Variants in RPL12 observed in about 807,000 individuals in gnomAD.
RPL12 encodes the protein large ribosomal subunit protein uL11.
In RPL12, 10 loss-of-function variants were observed where a neutral mutation model predicts 24.5. The observed-to-expected ratio is 0.41, with a 90% CI of 0.25 to 0.69. RPL12 has a LOEUF of 0.69. RPL12 is among the 30% of genes least tolerant of loss of function. RPL12 has a pLI of 0.33. For synonymous variants in RPL12, 74 were observed against 76.1 expected (o/e 0.97, Z 0.14); for missense variants, 137 against 205.3 (o/e 0.67, Z 2.03).
At chr9:127,451,214 CT>C (rs1834302681) in intron 1 of RPL12, 66 bp downstream of exon 1, 1 of 1,592,090 alleles carries the variant, frequency 6.3e-7, no homozygotes, top group East Asian at 2.2e-5. Flanking sequence ...ACGGGGAAAG[CT>C]TTGCACGCGC....
rs1834312679 is a variant in RPL12, at chr9:127,451,401, G to A, written c.-84C>T. 5.7e-6 allele frequency: 9 copies of A among 1,565,716 alleles called. No homozygotes were observed. The highest frequency in any genetic ancestry group is 1.7e-5 in the Admixed American group (1 of 57,330). On this transcript the variant is annotated 5_prime_UTR_variant, in exon 1 of 7. Transcript: ENST00000361436. ...CTTGGCCTCCTCCGAGCCGAAAGCC[G>A]AGAGGCCGGAAATCGCGCGGACAAG...
At chr9:127,449,576 C>G in intron 3 of RPL12, 34 bp downstream of exon 3, 1 of 1,578,154 alleles carries the variant, frequency 6.3e-7, no homozygotes, top group Non-Finnish European at 8.7e-7. Flanking sequence ...TGTCCCCCCA[C>G]CCTCCTCTCC....
At chr9:127,451,235 G>A (rs767838251) in intron 1 of RPL12, 46 bp downstream of exon 1, 1 of 1,605,156 alleles carries the variant, frequency 6.2e-7, no homozygotes, top group East Asian at 2.2e-5. Flanking sequence ...CGGCAGGGCC[G>A]AGGGATGCTC....
chr9:127,447,675 C>G lies in RPL12; in HGVS notation c.*46G>C, dbSNP rs373688448. The G allele has an allele frequency of 3.7e-6, 6 of 1,612,400 alleles. No homozygotes were observed. The African/African-American group carries it at 6.7e-5, about 18-fold the overall frequency. ...CAAGGAAGACGCCACACCAGAAAAT[C>G]CACCAGTTGTCAAATGATCCTTTAT... On this transcript the variant is annotated 3_prime_UTR_variant, in exon 7 of 7. Coordinates refer to ENST00000361436, the MANE Select transcript of RPL12 (RefSeq NM_000976.4).
chr9:127,450,847 G>A (rs1322744190), intron 1 of RPL12, 43 bp from the exon 2 acceptor site: 13 of 1,393,560 alleles, frequency 9.3e-6, no homozygotes, highest in Non-Finnish European at 1.3e-5. Flanking sequence ...AGGGAGCCCC[G>A]AGCCACAGCC....
intron 2 of RPL12, 120 bp downstream of exon 2, chr9:127,450,611 G>T: frequency 1.4e-6 from 1 of 691,478 alleles, no homozygotes; most frequent in Non-Finnish European, 2.4e-6. Flanking sequence ...CAGTGGCTCA[G>T]GCCTACTGAG....
chr9:127,449,315 C>G lies in RPL12; in HGVS notation c.258G>C (p.Lys86Asn), dbSNP rs780935724. Residue 86 changes from lysine (K) to asparagine (N), a missense_variant, in exon 4 of 7, where the codon AAG (lysine) becomes AAC (asparagine). Lys to Asn is a moderately conservative substitution (Grantham distance 94, BLOSUM62 0). Coordinates refer to ENST00000361436, the MANE Select transcript of RPL12 (RefSeq NM_000976.4). ...GTTTCTTTCTGTCTCTTGGTGGTTC[C>G]TTGAGGGCTTTGATGATCAGGGCAG... ...SASALIIKAL[K>N]EPPRDRKKQK... is the part of the protein sequence containing the mutation. 1 of 1,612,190 alleles carries G rather than the reference C, an allele frequency of 6.2e-7. No individual in the cohort carries two copies. Among genetic ancestry groups the G allele is most frequent in the South Asian group, 1.1e-5 (1 of 91,052 alleles).
chr9:127,448,748 TCTC>T (rs563854425), intron 4 of RPL12: 69 of 479,024 alleles, frequency 1.4e-4, no homozygotes, highest in Non-Finnish European at 2.4e-4. Context: ...CTGTATGTGG[TCTC>T]CTGATTATAG....
At position 127,448,439 on chromosome 9, in the gene RPL12, C is replaced by T. The variant is rs753230100; in HGVS notation, c.293-16G>A. The T allele has an allele frequency of 1.3e-6, 2 of 1,557,168 alleles. No homozygotes were observed. Among genetic ancestry groups the T allele is most frequent in the Non-Finnish European group, 1.8e-6 (2 of 1,128,150 alleles). On this transcript the variant is annotated splice_polypyrimidine_tract_variant and intron_variant, in intron 4 of 6. Coordinates refer to ENST00000361436, the MANE Select transcript of RPL12 (RefSeq NM_000976.4). ...CTGTGTTTAACTGCAGAAGAGGAAA[C>T]AGCAAAAGCTCTTTTAAAGTCTGAA...
Position 127,447,940 on chromosome 9 carries a change from A to C in RPL12, c.429T>G (p.Val143=). Residue 143 remains valine (V), a synonymous_variant, in exon 6 of 7, where the codon GTT becomes GTG. Transcript: ENST00000361436. ...TGATGTCATGAGGATGGCGGCCATC[A>C]ACATTACAGCCCACTGACTGGGCAG... The part of the protein sequence containing the change: ...LGTAQSVGCN[V]DGRHPHDIID... 2 of 1,613,800 alleles carry C rather than the reference A, an allele frequency of 1.2e-6. No individual in the cohort carries two copies. Among genetic ancestry groups the C allele is most frequent in the South Asian group, 1.1e-5 (1 of 90,974 alleles).
Position 127,449,522 on chromosome 9 carries a change from C to T in RPL12, c.210+88G>A, listed in dbSNP as rs1834232353. 3.6e-6 allele frequency: 5 copies of T among 1,369,988 alleles called. No individual in the cohort carries two copies. The East Asian group carries it at 1.2e-4, about 32-fold the overall frequency. 84.9% of individuals were successfully genotyped at this position (1,369,988 alleles called of 1,614,324 possible). On this transcript the variant is annotated intron_variant, in intron 3 of 6. Coordinates refer to ENST00000361436, the MANE Select transcript of RPL12 (RefSeq NM_000976.4). ...AGGTGAAATCACTCTCGGCTCACCA[C>T]TGGTGGCAGAAATACTCTTCAGGAA...
In RPL12 at chr9:127,451,404, A is replaced by T; in HGVS notation, c.-87T>A. The T allele has an allele frequency of 6.4e-7, 1 of 1,567,352 alleles. No individual in the cohort carries two copies. Among genetic ancestry groups the T allele is most frequent in the Non-Finnish European group, 8.7e-7 (1 of 1,147,192 alleles). The stretch of plus-strand genomic sequence containing the variant: ...GGCCTCCTCCGAGCCGAAAGCCGAG[A>T]GGCCGGAAATCGCGCGGACAAGCCA... On this transcript the variant is annotated 5_prime_UTR_variant, in exon 1 of 7. Coordinates refer to ENST00000361436, the MANE Select transcript of RPL12 (RefSeq NM_000976.4).
At position 127,449,642 on chromosome 9, in the gene RPL12, C is replaced by T; in HGVS notation, c.178G>A (p.Val60Met). The change falls in exon 3 of 7, where the codon GTG becomes ATG. Residue 60 changes from valine to methionine, a missense_variant. This residue lies in a region of RPL12 where 118 missense variants were observed against 160.7 expected (regional missense o/e 0.73). Coordinates refer to ENST00000361436, the MANE Select transcript of RPL12 (RefSeq NM_000976.4). ...TGTCTGTTCTGAATGGTCAGTTTCA[C>T]TGTAATCCTCAGGCCCTTCCAGTCA... ...TGDWKGLRIT[V>M]KLTIQNRQAQ... 1 of 1,614,160 alleles carries T rather than the reference C, an allele frequency of 6.2e-7. No homozygotes were observed. Among genetic ancestry groups the T allele is most frequent in the Non-Finnish European group, 8.5e-7 (1 of 1,180,008 alleles).
At position 127,451,398 on chromosome 9, in the gene RPL12, G is replaced by T; in HGVS notation, c.-81C>A. 6.4e-7 allele frequency: 1 copy of T among 1,572,372 alleles called. No individual in the cohort carries two copies. The highest frequency in any genetic ancestry group is 8.7e-7 in the Non-Finnish European group (1 of 1,151,076). On this transcript the variant is annotated 5_prime_UTR_variant, in exon 1 of 7. Transcript: ENST00000361436. ...CACCTTGGCCTCCTCCGAGCCGAAA[G>T]CCGAGAGGCCGGAAATCGCGCGGAC...
rs773331924 is a variant in RPL12, at chr9:127,448,415, T to C, written c.301A>G (p.Ser101Gly). ...ATCTCATCAAAAGTGATATTCCCAC[T>C]GTGTTTAACTGCAGAAGAGGAAACA... ...DRKKQKNIKH[S>G]GNITFDEIVN... is the part of the protein sequence containing the mutation. The change falls in exon 5 of 7, where the codon AGT (serine) becomes GGT (glycine). Residue 101 changes from serine to glycine, a missense_variant. Transcript: ENST00000361436. The C allele has an allele frequency of 1.9e-6, 3 of 1,610,136 alleles. No homozygotes were observed. The African/African-American group carries it at 4.0e-5, about 22-fold the overall frequency.
At position 127,451,272 on chromosome 9, in the gene RPL12, A is replaced by G; in HGVS notation, c.37+9T>C. On this transcript the variant is annotated intron_variant, in intron 1 of 6. Coordinates refer to ENST00000361436, the MANE Select transcript of RPL12 (RefSeq NM_000976.4). ...ATCCCGCAGCCCCGGCCACAACCAG[A>G]GCACGCACCGACTTTGATCTCGTTG... is the stretch of plus-strand genomic sequence containing the variant. The G allele has an allele frequency of 6.2e-7, 1 of 1,612,756 alleles. No individual in the cohort carries two copies. The highest frequency in any genetic ancestry group is 8.5e-7 in the Non-Finnish European group (1 of 1,179,660).
At chr9:127,448,684 A>C in intron 4 of RPL12, 1 of 689,802 alleles carries the variant, frequency 1.4e-6, no homozygotes, top group South Asian at 1.4e-5. Flanking sequence ...AAACTGTTTT[A>C]GAGAAATGAC....
intron 3 of RPL12, 124 bp from the exon 4 acceptor site, chr9:127,449,486 C>A: frequency 7.7e-7 from 1 of 1,292,244 alleles, no homozygotes; most frequent in South Asian, 1.2e-5. Flanking sequence ...CTTGACAAAG[C>A]CTCCCCAACA....
chr9:127,448,250 C>T, intron 5 of RPL12, 87 bp downstream of exon 5: 3 of 1,183,140 alleles, frequency 2.5e-6, no homozygotes, highest in Non-Finnish European at 3.8e-6. Context: ...TTGGGTCTCA[C>T]TGAGCACCCT....
Sources: allele counts gnomAD v4.1 joint callset, GRCh38; gene constraint gnomAD v4.1.1; regional missense constraint gnomAD v4.1.1; transcripts MANE v1.5; gene names NCBI Gene and HGNC (gene_info 2026-07-23, HGNC 2026-07-21).